The following CDC14A variants were observed in gnomAD, a reference collection of about 807,000 sequenced individuals.
The protein encoded by CDC14A is dual specificity protein phosphatase CDC14A.
A neutral mutation model predicts 74.4 loss-of-function variants in CDC14A; 53 were observed. That is an observed-to-expected ratio of 0.71 (90% confidence interval 0.57 to 0.89). The LOEUF (loss-of-function observed/expected upper bound fraction) is 0.89. Among genes scored for constraint, CDC14A ranks in the 40% least tolerant of loss-of-function variants. The pLI, the probability that CDC14A is intolerant of heterozygous loss-of-function variation, is 0.00. For synonymous variants in CDC14A, 247 were observed against 258.4 expected, an observed-to-expected ratio of 0.96 and a Z score of 0.43; for missense variants, 646 against 713.7, an observed-to-expected ratio of 0.91 and a Z score of 1.08.
At chr1:100,453,291 C>T (rs1247721799) in intron 7 of CDC14A, among the ~76,000 whole-genome samples, 2 of 152,070 alleles carry the variant, frequency 1.3e-5, no homozygotes, top group African/African-American at 4.8e-5. Flanking sequence ...TCCAAATAAG[C>T]AGATATTGCA....
Position 100,439,848 on chromosome 1 carries a change from T to A in CDC14A, c.390-84T>A, listed in dbSNP as rs576517523. On this transcript the variant is annotated intron_variant, in intron 5 of 15. Coordinates refer to ENST00000336454, the MANE Select transcript of CDC14A (RefSeq NM_003672.4). Reference sequence around the variant, plus strand: ...ATAGCTGTGAAGCCAAACAAGCACATCTCCAGCTGACTTTGGTGTTATATT... The same window carrying A: ...ATAGCTGTGAAGCCAAACAAGCACAACTCCAGCTGACTTTGGTGTTATATT... 9.3e-5 allele frequency: 86 copies of A among 923,082 alleles called. 1 individual carries two copies. In the South Asian group the frequency reaches 9.7e-4, roughly 10 times the overall value. 57.2% of individuals were successfully genotyped at this position (923,082 alleles called of 1,614,324 possible).
chr1:100,418,870 G>A (rs950310796), intron 4 of CDC14A, among the ~76,000 whole-genome samples: 3 of 151,926 alleles, frequency 2.0e-5, no homozygotes, highest in African/African-American at 7.3e-5. Flanking sequence ...TCCCAAACCT[G>A]GATCTACCCC....
intron 2 of CDC14A, among the ~76,000 whole-genome samples, chr1:100,374,329 G>T (rs984806611): frequency 6.6e-6 from 1 of 152,080 alleles, no homozygotes; most frequent in Non-Finnish European, 1.5e-5. Flanking sequence ...CCAGTAATGG[G>T]ATGGCTGGGT....
At chr1:100,472,671 T>G (rs577068714) in intron 10 of CDC14A, among the ~76,000 whole-genome samples, 2 of 152,252 alleles carry the variant, frequency 1.3e-5, no homozygotes, top group South Asian at 4.1e-4. Flanking sequence ...CATATTTTTT[T>G]TTCTAAAAAG....
intron 4 of CDC14A, chr1:100,394,025 A>T (rs981482317): frequency 7.7e-6 from 2 of 261,354 alleles, no homozygotes; most frequent in Non-Finnish European, 1.5e-5. Context: ...TGTGCCTGCC[A>T]TTCTGGGGAC....
chr1:100,420,126 T>G (rs1662187904), intron 4 of CDC14A, among the ~76,000 whole-genome samples: 2 of 129,834 alleles, frequency 1.5e-5, no homozygotes, highest in South Asian at 2.7e-4. Context: ...AAAGGTTTTT[T>G]TTTTTTTTTT....
upstream of CDC14A, among the ~76,000 whole-genome samples, chr1:100,349,846 G>A (rs1450234753): frequency 6.6e-6 from 1 of 151,842 alleles, no homozygotes; most frequent in African/African-American, 2.4e-5. Context: ...TTTGAGACGG[G>A]GTCTTTCTCT....
At chr1:100,372,217 C>G (rs1018907121) in intron 2 of CDC14A, among the ~76,000 whole-genome samples, 2 of 152,128 alleles carry the variant, frequency 1.3e-5, no homozygotes, top group East Asian at 3.9e-4. Context: ...GGGCCCTGCC[C>G]CAGTGTGATG....
rs1375947124 is a variant in CDC14A, at chr1:100,508,858, A to G, written c.1756-9393A>G. Reference sequence around the variant, plus strand: ...CTGTCTTGATTGTTTCTGGGTCACAAAGATGTTGATCTTGCTTTTAATTTC... The same window carrying G: ...CTGTCTTGATTGTTTCTGGGTCACAGAGATGTTGATCTTGCTTTTAATTTC... On this transcript the variant is annotated intron_variant, in intron 15 of 15. Coordinates refer to ENST00000336454, the MANE Select transcript of CDC14A (RefSeq NM_003672.4). The surrounding 1 kb of genome is among the most constrained non-coding windows in gnomAD (Gnocchi z 4.4). 3.3e-5 allele frequency among the ~76,000 whole-genome samples: 5 copies of G among 152,212 alleles called. No homozygotes were observed. Among genetic ancestry groups the G allele is most frequent in the African/African-American group, 1.2e-4 (5 of 41,452 alleles).
chr1:100,459,122 CACACAGAG>C (rs1485863723), intron 8 of CDC14A, among the ~76,000 whole-genome samples: 5 of 146,618 alleles, frequency 3.4e-5, no homozygotes, highest in Admixed American at 6.8e-5. Flanking sequence ...CACACACACA[CACACAGAG>C]AGAGAGAGAG....
At position 100,362,896 on chromosome 1, in the gene CDC14A, T is replaced by C. The variant is rs139377028; in HGVS notation, c.140+9044T>C. ...TGAGTGGGTTAAGGAGCAGAGACTT[T>C]AATAGGCAGAAGAAAGGACAGAGGA... is the stretch of plus-strand genomic sequence containing the variant. On this transcript the variant is annotated intron_variant, in intron 2 of 15. Transcript: ENST00000336454. 2.7e-3 allele frequency among the ~76,000 whole-genome samples: 407 copies of C among 152,288 alleles called. 4 individuals are homozygous for C. Among genetic ancestry groups the C allele is most frequent in the African/African-American group, 8.3e-3 (344 of 41,558 alleles).
chr1:100,420,082 A>ATATATATATATATATATATATAGT (rs58124351), intron 4 of CDC14A, among the ~76,000 whole-genome samples: 1 of 105,542 alleles, frequency 9.5e-6, no homozygotes, highest in African/African-American at 3.3e-5. Flanking sequence ...ATATATATAT[A>ATATATATATATATATATATATAGT]GTGTGTATGT....
intron 2 of CDC14A, among the ~76,000 whole-genome samples, chr1:100,361,845 A>G (rs1240108595): frequency 6.6e-6 from 1 of 152,186 alleles, no homozygotes; most frequent in African/African-American, 2.4e-5. Context: ...GAGTGCTGCC[A>G]TCGCTCGAAG....
intron 4 of CDC14A, among the ~76,000 whole-genome samples, chr1:100,411,240 C>T (rs912114312): frequency 1.3e-5 from 2 of 152,186 alleles, no homozygotes; most frequent in South Asian, 2.1e-4. Flanking sequence ...TACTTCGACA[C>T]CCATAGTGCA....
chr1:100,491,518 ATCTC>A (rs761858427), intron 11 of CDC14A, among the ~76,000 whole-genome samples: 416 of 26,542 alleles, frequency 0.016, 16 homozygotes, highest in African/African-American at 0.035. Flanking sequence ...ATATATCTGC[ATCTC>A]TCTCTCTCTC....
chr1:100,507,547 G>C (rs547586449), intron 15 of CDC14A, among the ~76,000 whole-genome samples: 89 of 151,852 alleles, frequency 5.9e-4, no homozygotes, highest in African/African-American at 2.1e-3. Flanking sequence ...TGATCCTCCT[G>C]CTTTGGCCTC....
upstream of CDC14A, chr1:100,351,833 T>C: frequency 6.5e-7 from 1 of 1,528,162 alleles, no homozygotes; most frequent in Non-Finnish European, 8.9e-7. Context: ...AACCAATACA[T>C]GTACTGTGAG....
At chr1:100,493,581 AAG>A (rs752374459) in intron 11 of CDC14A, among the ~76,000 whole-genome samples, 3 of 152,214 alleles carry the variant, frequency 2.0e-5, no homozygotes, top group Non-Finnish European at 4.4e-5. Context: ...TTGAGACTCT[AAG>A]AGAATCCTCT....
chr1:100,363,388 G>A (rs1031833343), intron 2 of CDC14A, among the ~76,000 whole-genome samples: 1 of 152,264 alleles, frequency 6.6e-6, no homozygotes, highest in East Asian at 1.9e-4. Flanking sequence ...GAGGGCTCCC[G>A]AACCCTCAGT....
Sources: allele counts gnomAD v4.1 joint callset (sites outside exome capture counted in the v4.1 genomes callset), GRCh38; gene constraint gnomAD v4.1.1; non-coding constraint Gnocchi (gnomAD v3.1); transcripts MANE v1.5; gene names NCBI Gene and HGNC (gene_info 2026-07-23, HGNC 2026-07-21).